NFAT5: variants seen among roughly 807,000 people sequenced by gnomAD.
NFAT5 encodes nuclear factor of activated T cells 5.
NFAT5 carries 31 observed loss-of-function variants against 166.5 expected under a neutral mutation model. That is an observed-to-expected ratio of 0.19 (90% CI 0.14 to 0.25). The LOEUF (loss-of-function observed/expected upper bound fraction) is 0.25. NFAT5 is among the 10% of genes least tolerant of loss of function. NFAT5 has a pLI of 1.00. For synonymous variants in NFAT5, 612 were observed against 639.7 expected, an observed-to-expected ratio of 0.96 and a Z score of 0.65; for missense variants, 1,449 against 1,821.8, an observed-to-expected ratio of 0.80 and a Z score of 3.72.
At chr16:69,622,975 G>A (rs1345917317) in intron 2 of NFAT5, among the ~76,000 whole-genome samples, 3 of 152,052 alleles carry the variant, frequency 2.0e-5, no homozygotes, top group Admixed American at 6.6e-5. Flanking sequence ...GAGAAACCCC[G>A]TCTCTATTAA....
Position 69,597,622 on chromosome 16 carries a change from C to T in NFAT5, c.128-28781C>T, listed in dbSNP as rs371548773. On this transcript the variant is annotated intron_variant, in intron 2 of 14. Coordinates refer to ENST00000349945, the MANE Select transcript of NFAT5 (RefSeq NM_138713.4). ...TTTTTTTTTTTTTGAGACAGAGTCT[C>T]GTTCTGTCACCCAGGCTGGAGTGCA... Among the ~76,000 whole-genome samples, 29 of 149,456 alleles carry T rather than the reference C, an allele frequency of 1.9e-4. No homozygotes were observed. The East Asian group carries it at 3.1e-3, about 16-fold the overall frequency.
Position 69,700,005 on chromosome 16 carries a change from C to A in NFAT5, c.*3654C>A, listed in dbSNP as rs1325067387. On this transcript the variant is annotated 3_prime_UTR_variant, in exon 15 of 15. Coordinates refer to ENST00000349945, the MANE Select transcript of NFAT5 (RefSeq NM_138713.4). ...ATCATGTTATTTAGCCAATGCAAAT[C>A]TGTTTTAAAACAAATAGTTTAAAAA... 6.6e-6 allele frequency: 1 copy of A among 152,234 alleles called. No individual in the cohort carries two copies. Among genetic ancestry groups the A allele is most frequent in the African/African-American group, 2.4e-5 (1 of 41,532 alleles). 9.4% of individuals were successfully genotyped at this position (152,234 alleles called of 1,614,324 possible). A position where few individuals can be genotyped will look rare whatever the true frequency, so the allele number is the denominator to read the frequency against.
chr16:69,651,919 C>T (rs976841528), intron 4 of NFAT5, among the ~76,000 whole-genome samples: 10 of 151,878 alleles, frequency 6.6e-5, no homozygotes, highest in Admixed American at 4.6e-4. Flanking sequence ...TGATCCACCC[C>T]GCTTGGCCTC....
intron 2 of NFAT5, among the ~76,000 whole-genome samples, chr16:69,573,617 C>T (rs1347341379): frequency 2.6e-5 from 4 of 152,140 alleles, no homozygotes; most frequent in African/African-American, 9.7e-5. Flanking sequence ...TTAGATCCAT[C>T]TCTTTCTGAT....
intron 2 of NFAT5, among the ~76,000 whole-genome samples, chr16:69,569,045 G>A (rs1004616823): frequency 1.3e-5 from 2 of 152,202 alleles, no homozygotes; most frequent in African/African-American, 4.8e-5. Flanking sequence ...TAGCGATGAT[G>A]ATTGAGCTAT....
chr16:69,634,408 A>G (rs1242606064), intron 3 of NFAT5, among the ~76,000 whole-genome samples: 1 of 152,180 alleles, frequency 6.6e-6, no homozygotes, highest in African/African-American at 2.4e-5. Flanking sequence ...TATATGAATA[A>G]AAGTGTCCAA....
intron 7 of NFAT5, among the ~76,000 whole-genome samples, chr16:69,662,321 A>G (rs2036178926): frequency 6.6e-6 from 1 of 152,190 alleles, no homozygotes; most frequent in Non-Finnish European, 1.5e-5. Context: ...GGATTCATGT[A>G]TAAATATGCT....
chr16:69,609,866 A>G (rs1048058392), intron 2 of NFAT5, among the ~76,000 whole-genome samples: 1 of 151,586 alleles, frequency 6.6e-6, no homozygotes, highest in Non-Finnish European at 1.5e-5. Flanking sequence ...TTAGCTGGAC[A>G]TGGTGGCATG....
intron 3 of NFAT5, among the ~76,000 whole-genome samples, chr16:69,634,788 C>G (rs1289773096): frequency 1.3e-5 from 2 of 152,036 alleles, no homozygotes; most frequent in Non-Finnish European, 2.9e-5. Context: ...GTCATAAAGA[C>G]TGAATTTGAA....
chr16:69,684,094 C>T (rs769326568), intron 10 of NFAT5, among the ~76,000 whole-genome samples: 6 of 150,784 alleles, frequency 4.0e-5, no homozygotes, highest in African/African-American at 1.5e-4. Context: ...AGCGAAACTC[C>T]GTCTCAAATA....
At chr16:69,595,923 T>G (rs967292267) in intron 2 of NFAT5, among the ~76,000 whole-genome samples, 1 of 152,190 alleles carries the variant, frequency 6.6e-6, no homozygotes. Flanking sequence ...ATACACTGGG[T>G]AAAGGGATGA....
At chr16:69,629,338 T>C (rs1450770296) in intron 3 of NFAT5, among the ~76,000 whole-genome samples, 2 of 152,184 alleles carry the variant, frequency 1.3e-5, no homozygotes, top group African/African-American at 4.8e-5. Flanking sequence ...GATTCACCAA[T>C]TTAGATTTTT....
chr16:69,632,581 C>T (rs758429212), intron 3 of NFAT5: 3 of 151,832 alleles, frequency 2.0e-5, no homozygotes. Context: ...ATTTTTTATC[C>T]CATTGAATTT....
intron 3 of NFAT5, among the ~76,000 whole-genome samples, chr16:69,628,960 G>C (rs1188207087): frequency 2.6e-5 from 4 of 152,162 alleles, no homozygotes; most frequent in Non-Finnish European, 5.9e-5. Flanking sequence ...TGTAATCCCA[G>C]CTACTCTGGA....
chr16:69,572,918 C>G (rs1204464558), intron 2 of NFAT5, among the ~76,000 whole-genome samples: 1 of 152,194 alleles, frequency 6.6e-6, no homozygotes, highest in Non-Finnish European at 1.5e-5. Flanking sequence ...TCTCAGCTCA[C>G]TGCAACCTCT....
At chr16:69,660,263 T>G (rs1031744311) in intron 7 of NFAT5, among the ~76,000 whole-genome samples, 2 of 151,890 alleles carry the variant, frequency 1.3e-5, no homozygotes, top group Non-Finnish European at 2.9e-5. Flanking sequence ...CTCTACAAAA[T>G]AAAAAAATAT....
intron 2 of NFAT5, among the ~76,000 whole-genome samples, chr16:69,583,545 A>G (rs932581006): frequency 2.0e-5 from 3 of 152,188 alleles, no homozygotes; most frequent in South Asian, 2.1e-4. Context: ...AAGATTATGC[A>G]TGTGTTAAGG....
At chr16:69,654,777 A>G (rs1452163116) in intron 5 of NFAT5, among the ~76,000 whole-genome samples, 2 of 152,182 alleles carry the variant, frequency 1.3e-5, no homozygotes, top group Non-Finnish European at 2.9e-5. Flanking sequence ...CCTCATTATG[A>G]TACCATTTTA....
In NFAT5 at chr16:69,566,617, C is replaced by A. The variant is rs1336900274; in HGVS notation, c.73+243C>A. ...CGCTCGGGGCCCAGATTCCGTCGGC[C>A]CCCGGGGCTCTGCGGCACCGGTCGC... On this transcript the variant is annotated intron_variant, in intron 1 of 14. Coordinates refer to ENST00000349945, the MANE Select transcript of NFAT5 (RefSeq NM_138713.4). The surrounding 1 kb of genome is among the most constrained non-coding windows in gnomAD (Gnocchi z 5.7). Among the ~76,000 whole-genome samples, 2 of 152,028 alleles carry A rather than the reference C, an allele frequency of 1.3e-5. No homozygotes were observed. The highest frequency in any genetic ancestry group is 2.9e-5 in the Non-Finnish European group (2 of 67,948).
Sources: gnomAD v4.1 joint callset for allele counts (sites outside exome capture counted in the v4.1 genomes callset) on GRCh38, gnomAD v4.1.1 for gene constraint, Gnocchi (gnomAD v3.1) non-coding constraint, MANE v1.5 for transcripts, NCBI Gene and HGNC (gene_info 2026-07-23, HGNC 2026-07-21) for gene names.